CPB2: variants seen among roughly 807,000 people sequenced by gnomAD.
CPB2 encodes the protein carboxypeptidase B-like protein.
CPB2 carries 54 observed loss-of-function variants against 57.0 expected under a neutral mutation model. The ratio of observed to expected loss-of-function variants is 0.95; its 90% CI spans 0.76 to 1.19. The LOEUF is 1.19. Among genes scored for constraint, CPB2 ranks in the 50% most tolerant of loss-of-function variants. The probability of loss-of-function intolerance (pLI) is 0.00; values close to 1 mark genes in which losing one functional copy is unlikely to be tolerated. For synonymous variants in CPB2, 189 were observed against 178.1 expected (o/e 1.06, Z -0.49); for missense variants, 426 against 512.0 (o/e 0.83, Z 1.62).
chr13:46,085,780 T>C (rs1372418091), intron 2 of CPB2, among the ~76,000 whole-genome samples: 1 of 152,198 alleles, frequency 6.6e-6, no homozygotes, highest in Non-Finnish European at 1.5e-5. Flanking sequence ...CATGATATTG[T>C]TACAGGATCC....
rs115448777 is a variant in CPB2, at chr13:46,093,422, A to T, written c.75-5602T>A. Among the ~76,000 whole-genome samples, 439 of 152,378 alleles carry T rather than the reference A, an allele frequency of 2.9e-3. 2 individuals are homozygous for T. Among genetic ancestry groups the T allele is most frequent in the African/African-American group, 0.01 (425 of 41,588 alleles). On this transcript the variant is annotated intron_variant, in intron 1 of 10. Transcript: ENST00000181383. The stretch of plus-strand genomic sequence containing the variant: ...AGATACATGTTCAAGGATGTGTATT[A>T]CGGCATTATTCATAGTAACAAAACC...
intron 1 of CPB2, chr13:46,098,525 A>G (rs2139424870): frequency 6.6e-6 from 1 of 152,376 alleles, no homozygotes; most frequent in African/African-American, 2.4e-5. Flanking sequence ...ATCTCCATCC[A>G]GGGATGAACT....
intron 1 of CPB2, chr13:46,097,071 G>C (rs1024622624): frequency 3.9e-5 from 6 of 152,214 alleles, no homozygotes; most frequent in Non-Finnish European, 7.3e-5. Flanking sequence ...TGGGCAGAAA[G>C]TGTGAAGATC....
intron 5 of CPB2, among the ~76,000 whole-genome samples, chr13:46,076,162 A>G (rs1234022600): frequency 6.6e-6 from 1 of 152,220 alleles, no homozygotes; most frequent in African/African-American, 2.4e-5. Flanking sequence ...AACAGGTAAG[A>G]GAAAGAAATA....
intron 5 of CPB2, among the ~76,000 whole-genome samples, chr13:46,074,345 G>A (rs1240419122): frequency 6.6e-6 from 1 of 152,202 alleles, no homozygotes; most frequent in Non-Finnish European, 1.5e-5. Context: ...AAATGGGTGT[G>A]AGTTGGATGG....
intron 7 of CPB2, among the ~76,000 whole-genome samples, chr13:46,065,700 C>A (rs1395632236): frequency 6.6e-6 from 1 of 150,932 alleles, no homozygotes; most frequent in East Asian, 1.9e-4. Context: ...ATGTAGCACC[C>A]TTTTCTCCTA....
At chr13:46,073,023 T>C (rs1327545280) in intron 6 of CPB2, among the ~76,000 whole-genome samples, 3 of 152,142 alleles carry the variant, frequency 2.0e-5, no homozygotes, top group Non-Finnish European at 4.4e-5. Context: ...GGATAGAAGA[T>C]TCACAGTGAA....
At chr13:46,094,401 T>A (rs543886863) in intron 1 of CPB2, among the ~76,000 whole-genome samples, 8 of 152,280 alleles carry the variant, frequency 5.3e-5, no homozygotes, top group South Asian at 4.1e-4. Context: ...TGGGGTATAG[T>A]CCCTTTCCTT....
At chr13:46,095,930 G>T (rs2045359839) in intron 1 of CPB2, among the ~76,000 whole-genome samples, 1 of 138,038 alleles carries the variant, frequency 7.2e-6, no homozygotes, top group Non-Finnish European at 1.5e-5. Flanking sequence ...CACCCAGGCT[G>T]GAGTGCAATG....
At chr13:46,086,436 G>A (rs2045205870) in intron 2 of CPB2, among the ~76,000 whole-genome samples, 1 of 152,148 alleles carries the variant, frequency 6.6e-6, no homozygotes, top group South Asian at 2.1e-4. Context: ...GTCCTGATGA[G>A]TGTTCGTTCT....
At position 46,087,766 on chromosome 13, in the gene CPB2, C is replaced by A. The variant is rs745779789; in HGVS notation, c.129G>T (p.Gln43His). 6.2e-7 allele frequency: 1 copy of A among 1,610,782 alleles called. No individual in the cohort carries two copies. Among genetic ancestry groups the A allele is most frequent in the Non-Finnish European group, 8.5e-7 (1 of 1,178,442 alleles). The change falls in exon 2 of 11, where the codon CAG (glutamine) becomes CAT (histidine). Residue 43 changes from glutamine (Q) to histidine (H), a missense_variant. Coordinates refer to ENST00000181383, the MANE Select transcript of CPB2 (RefSeq NM_001872.5). ...PRTSRQVQVL[Q>H]NLTTTYEIVL... Reference sequence around the variant, plus strand: ...TTACCTCATATGTTGTAGTAAGATTCTGTAGAACTTGAACTTGCCTAGAGG... The same window carrying A: ...TTACCTCATATGTTGTAGTAAGATTATGTAGAACTTGAACTTGCCTAGAGG...
intron 4 of CPB2, among the ~76,000 whole-genome samples, chr13:46,081,361 A>C (rs1392210222): frequency 5.3e-5 from 8 of 152,182 alleles, no homozygotes; most frequent in African/African-American, 1.9e-4. Flanking sequence ...TGACAGTTTC[A>C]CCTTTTATGA....
chr13:46,057,882 C>T (rs2044717990), intron 9 of CPB2, among the ~76,000 whole-genome samples: 1 of 152,208 alleles, frequency 6.6e-6, no homozygotes, highest in East Asian at 1.9e-4. Context: ...TACCGCTTCA[C>T]ATGCAGATCA....
intron 6 of CPB2, among the ~76,000 whole-genome samples, chr13:46,072,685 C>T (rs1435716060): frequency 6.6e-6 from 1 of 152,090 alleles, no homozygotes; most frequent in Non-Finnish European, 1.5e-5. Context: ...GTGAGAAGGG[C>T]AGTCATTAGG....
chr13:46,101,294 G>T (rs1350892183), intron 1 of CPB2: 4 of 152,156 alleles, frequency 2.6e-5, no homozygotes, highest in Non-Finnish European at 1.5e-5. Flanking sequence ...TTTCGTTTTT[G>T]AGGGTTACTT....
intron 1 of CPB2, among the ~76,000 whole-genome samples, chr13:46,102,218 G>A (rs2045443117): frequency 6.6e-6 from 1 of 152,170 alleles, no homozygotes; most frequent in African/African-American, 2.4e-5. Flanking sequence ...CTTCTTCCTA[G>A]TGTCTCTTAC....
intron 8 of CPB2, among the ~76,000 whole-genome samples, chr13:46,060,600 C>T (rs1400430060): frequency 6.6e-6 from 1 of 152,096 alleles, no homozygotes; most frequent in African/African-American, 2.4e-5. Flanking sequence ...TTTTTTCATA[C>T]TAAGCCTTCA....
At chr13:46,091,809 G>C (rs1304224907) in intron 1 of CPB2, among the ~76,000 whole-genome samples, 1 of 152,154 alleles carries the variant, frequency 6.6e-6, no homozygotes, top group African/African-American at 2.4e-5. Context: ...ATACCACTTA[G>C]AAAAGAAAGA....
At chr13:46,098,073 CA>C (rs1331222943) in intron 1 of CPB2, among the ~76,000 whole-genome samples, 4 of 152,130 alleles carry the variant, frequency 2.6e-5, no homozygotes, top group Non-Finnish European at 5.9e-5. Flanking sequence ...CTGAATGTGG[CA>C]GGGAAGAATA....
Sources: gnomAD v4.1 joint callset for allele counts (sites outside exome capture counted in the v4.1 genomes callset) on GRCh38, gnomAD v4.1.1 for gene constraint, MANE v1.5 for transcripts, NCBI Gene and HGNC (gene_info 2026-07-23, HGNC 2026-07-21) for gene names.